RCHY1: variants seen among roughly 807,000 people sequenced by gnomAD.
RCHY1 encodes the protein ring finger and CHY zinc finger domain containing 1.
RCHY1 carries 21 observed loss-of-function variants against 41.6 expected under a neutral mutation model. The observed-to-expected ratio is 0.51, with a 90% CI of 0.36 to 0.73. The LOEUF (loss-of-function observed/expected upper bound fraction) is 0.73, where lower values mean the gene tolerates loss of function less well. Among genes scored for constraint, RCHY1 ranks in the 30% least tolerant of loss-of-function variants. RCHY1 has a pLI of 0.00. For synonymous variants in RCHY1, 79 were observed against 102.9 expected, an observed-to-expected ratio of 0.77 and a Z score of 1.41; for missense variants, 265 against 325.3, an observed-to-expected ratio of 0.81 and a Z score of 1.43.
At chr4:75,507,132 T>G (rs1353887652) in intron 3 of RCHY1, among the ~76,000 whole-genome samples, 6 of 151,850 alleles carry the variant, frequency 4.0e-5, no homozygotes, top group Non-Finnish European at 8.8e-5. Context: ...AAAGAAACAC[T>G]AAAGACAATT....
chr4:75,490,953 T>C (rs1722693101), intron 7 of RCHY1: 1 of 291,320 alleles, frequency 3.4e-6, no homozygotes, highest in South Asian at 1.0e-4. Context: ...ATATTCTTTG[T>C]AGAATACACT....
intron 4 of RCHY1, among the ~76,000 whole-genome samples, chr4:75,493,552 T>A (rs1479400276): frequency 5.3e-5 from 8 of 151,836 alleles, no homozygotes; most frequent in Non-Finnish European, 1.2e-4. Flanking sequence ...CGATTTACAC[T>A]TCACTTTACA....
intron 3 of RCHY1, among the ~76,000 whole-genome samples, chr4:75,504,071 AATG>A (rs1724063335): frequency 6.6e-6 from 1 of 152,252 alleles, no homozygotes; most frequent in Admixed American, 6.5e-5. Context: ...GTACAGAAGT[AATG>A]ATAAGCCAAG....
At chr4:75,485,774 TGA>T (rs893682054) in intron 8 of RCHY1, among the ~76,000 whole-genome samples, 1 of 152,212 alleles carries the variant, frequency 6.6e-6, no homozygotes, top group African/African-American at 2.4e-5. Context: ...AGCCAGCAAA[TGA>T]GAATCCTTTA....
intron 3 of RCHY1, among the ~76,000 whole-genome samples, chr4:75,500,826 G>T (rs1415207460): frequency 6.6e-6 from 1 of 152,088 alleles, no homozygotes; most frequent in African/African-American, 2.4e-5. Context: ...TCCCAAAAAA[G>T]ACTTGGTGCA....
intron 3 of RCHY1, among the ~76,000 whole-genome samples, chr4:75,497,740 C>T (rs952243357): frequency 1.5e-4 from 22 of 151,564 alleles, no homozygotes; most frequent in Admixed American, 4.6e-4. Flanking sequence ...ATAGTAATAG[C>T]CAAAACTTTC....
rs751120228 is a variant in RCHY1, at chr4:75,509,204, C to T, written c.183G>A (p.Gln61=). The T allele has an allele frequency of 6.8e-6, 11 of 1,612,892 alleles. No individual in the cohort carries two copies. The highest frequency in any genetic ancestry group is 1.1e-5 in the South Asian group (1 of 91,006). ...GTTGAATTTTTTCACAGTTTATGCACTGCACTTCCTTCACTTTAAAGCGAT... is the reference window on the plus strand; with the variant it reads ...GTTGAATTTTTTCACAGTTTATGCATTGCACTTCCTTCACTTTAAAGCGAT... ...QLDRFKVKEV[Q]CINCEKIQHA... is the part of the protein sequence containing the mutation. The change falls in exon 2 of 9, where the codon CAG becomes CAA. Residue 61 remains glutamine, a synonymous_variant. Transcript: ENST00000324439.
chr4:75,494,368 C>A, intron 3 of RCHY1, 189 bp from the exon 4 acceptor site: 1 of 474,804 alleles, frequency 2.1e-6, no homozygotes, highest in Non-Finnish European at 3.8e-6. Flanking sequence ...TGGTATCTAC[C>A]CTTCTAGGGC....
chr4:75,504,324 T>C (rs773302923), intron 3 of RCHY1, among the ~76,000 whole-genome samples: 1 of 152,194 alleles, frequency 6.6e-6, no homozygotes, highest in Non-Finnish European at 1.5e-5. Context: ...GCAGATTTTC[T>C]TCTACCTCTG....
rs768358520 is a variant in RCHY1 at position 75,491,769 on chromosome 4, GA to G, written c.463del (p.Ser155ProfsTer23). On this transcript the variant is annotated frameshift_variant, in exon 6 of 9. Coordinates refer to ENST00000324439, the MANE Select transcript of RCHY1 (RefSeq NM_015436.4). LOFTEE classifies it high-confidence loss of function. Reference protein sequence around the residue: ...CPICLEDIHTSRVVAHVLPCG... With the variant: ...CPICLEDIHTXRVVAHVLPCG... ...TGGCAAGACATGAGCAACAACACGGGATGTGTGAATGTCCTGTAAATGAAAT... is the reference window on the plus strand; with the variant it reads ...TGGCAAGACATGAGCAACAACACGGGTGTGTGAATGTCCTGTAAATGAAAT... 6.2e-7 allele frequency: 1 copy of G among 1,612,806 alleles called. No homozygotes were observed.
In RCHY1 at chr4:75,514,192, G is replaced by C. The variant is rs767669621; in HGVS notation, c.90+5C>G. 6 of 1,606,814 alleles carry C rather than the reference G, an allele frequency of 3.7e-6. No individual in the cohort carries two copies. Among genetic ancestry groups the C allele is most frequent in the Non-Finnish European group, 4.3e-6 (5 of 1,174,094 alleles). On this transcript the variant is annotated splice_donor_5th_base_variant and intron_variant, in intron 1 of 8. Transcript: ENST00000324439. ...TGTCAGGGAAGAGTCCATAGAAGGC[G>C]TCACCTTTAGGAGACATCCTCTGTC...
intron 3 of RCHY1, among the ~76,000 whole-genome samples, chr4:75,495,307 T>A (rs1250719710): frequency 1.3e-5 from 2 of 151,996 alleles, no homozygotes; most frequent in African/African-American, 4.8e-5. Context: ...CTTCTAGTAC[T>A]TACAGCTTTT....
chr4:75,505,984 AG>A (rs1367745954), intron 3 of RCHY1, among the ~76,000 whole-genome samples: 1 of 152,032 alleles, frequency 6.6e-6, no homozygotes, highest in Non-Finnish European at 1.5e-5. Flanking sequence ...CTCCTATGCT[AG>A]GGGGCCAAAA....
chr4:75,484,530 ATTC>A (rs372904277), intron 8 of RCHY1, among the ~76,000 whole-genome samples: 5 of 152,106 alleles, frequency 3.3e-5, no homozygotes, highest in Non-Finnish European at 7.4e-5. Flanking sequence ...GCCCTCTTCA[ATTC>A]TTCTTCTTGC....
intron 8 of RCHY1, among the ~76,000 whole-genome samples, chr4:75,487,841 TATATATTCATAATATATATATTCATA>T (rs1722365939): frequency 1.1e-5 from 1 of 89,794 alleles, no homozygotes; most frequent in Non-Finnish European, 2.5e-5. Context: ...ATATTCATAA[TATATATTCATAATATATATATTCATA>T]ATATATATTC....
In RCHY1 at chr4:75,491,635, G is replaced by T. The variant is rs758856687; in HGVS notation, c.512C>A (p.Thr171Lys). The change falls in exon 7 of 9, where the codon ACG becomes AAG. Residue 171 changes from threonine to lysine, a missense_variant and splice_region_variant. Thr to Lys is a moderately conservative substitution (Grantham distance 78). Coordinates refer to ENST00000324439, the MANE Select transcript of RCHY1 (RefSeq NM_015436.4). ...CTCTTTCAACATTTCTTCATAACAC[G>T]TTCTGAAAGAAAATATAAGATTATT... Reference protein sequence around the residue: ...VLPCGHLLHRTCYEEMLKEGY... With the variant: ...VLPCGHLLHRKCYEEMLKEGY... 6.3e-7 allele frequency: 1 copy of T among 1,599,140 alleles called. No homozygotes were observed. The highest frequency in any genetic ancestry group is 1.7e-5 in the Admixed American group (1 of 59,668).
chr4:75,487,280 G>A (rs112229643), intron 8 of RCHY1, among the ~76,000 whole-genome samples: 1 of 141,450 alleles, frequency 7.1e-6, no homozygotes. Flanking sequence ...GTTTACTTTT[G>A]GGTAAATTTC....
At chr4:75,494,596 T>C (rs1010139391) in intron 3 of RCHY1, among the ~76,000 whole-genome samples, 1 of 151,910 alleles carries the variant, frequency 6.6e-6, no homozygotes, top group Admixed American at 6.6e-5. Flanking sequence ...CTAATTTTTT[T>C]AAATATTCCC....
chr4:75,484,357 T>G (rs908624956), intron 8 of RCHY1, among the ~76,000 whole-genome samples: 2 of 152,136 alleles, frequency 1.3e-5, no homozygotes, highest in African/African-American at 4.8e-5. Context: ...AATTCAGAAG[T>G]CGCAACAAAA....
Sources: allele counts gnomAD v4.1 joint callset (sites outside exome capture counted in the v4.1 genomes callset), GRCh38; gene constraint gnomAD v4.1.1; transcripts MANE v1.5; gene names NCBI Gene and HGNC (gene_info 2026-07-23, HGNC 2026-07-21).